UNC5D: variants seen among roughly 807,000 people sequenced by gnomAD.
UNC5D encodes the protein netrin receptor UNC5D.
In UNC5D, 39 loss-of-function variants were observed where a neutral mutation model predicts 105.4. The ratio of observed to expected loss-of-function variants is 0.37; its 90% CI spans 0.29 to 0.48. The LOEUF (loss-of-function observed/expected upper bound fraction) is 0.48. UNC5D is among the 20% of genes least tolerant of loss of function. The probability of loss-of-function intolerance (pLI) is 0.98; values close to 1 mark genes in which losing one functional copy is unlikely to be tolerated. For missense variants in UNC5D, 991 were observed against 1,202.4 expected (o/e 0.82, Z 2.60); for synonymous variants, 452 against 450.4 (o/e 1.00, Z -0.04).
intron 1 of UNC5D, among the ~76,000 whole-genome samples, chr8:35,279,772 C>G (rs1276154161): frequency 6.6e-6 from 1 of 152,180 alleles, no homozygotes; most frequent in Non-Finnish European, 1.5e-5. Context: ...GCTCAGACTG[C>G]AGTTGCTGTT....
chr8:35,466,651 T>G (rs569668273), intron 1 of UNC5D, among the ~76,000 whole-genome samples: 2 of 152,344 alleles, frequency 1.3e-5, no homozygotes, highest in East Asian at 3.9e-4. Flanking sequence ...AATTCAATTT[T>G]TAGTTGAAAA....
intron 1 of UNC5D, among the ~76,000 whole-genome samples, chr8:35,437,571 C>T (rs922105488): frequency 6.6e-6 from 1 of 152,068 alleles, no homozygotes; most frequent in South Asian, 2.1e-4. Context: ...CATTTATATA[C>T]ATGAATGATA....
At chr8:35,541,502 A>G (rs1178593255) in intron 1 of UNC5D, among the ~76,000 whole-genome samples, 1 of 152,128 alleles carries the variant, frequency 6.6e-6, no homozygotes, top group East Asian at 1.9e-4. Flanking sequence ...CACATTTCCT[A>G]AGATTTCTCT....
chr8:35,756,146 C>G (rs1830508442), intron 13 of UNC5D, among the ~76,000 whole-genome samples: 1 of 152,168 alleles, frequency 6.6e-6, no homozygotes, highest in Admixed American at 6.5e-5. Context: ...AGTTCATTAC[C>G]AGGCTTTTTC....
intron 10 of UNC5D, chr8:35,727,871 A>AAAGTGGCATCCTGT (rs1423090466): frequency 6.6e-6 from 1 of 151,938 alleles, no homozygotes; most frequent in African/African-American, 2.4e-5. Context: ...AGAATTCATA[A>AAAGTGGCATCCTGT]ACTAGACATG....
At position 35,474,884 on chromosome 8, in the gene UNC5D, G is replaced by A. The variant is rs539470148; in HGVS notation, c.104-74408G>A. Among the ~76,000 whole-genome samples, 25 of 152,310 alleles carry A rather than the reference G, an allele frequency of 1.6e-4. 1 individual carries two copies. The South Asian group carries it at 5.2e-3, about 32-fold the overall frequency. ...AGTGGTGGAAAGGAGGCTCAGCAGAGGAGTGAATCATGCACATCCCCTTAG... is the reference window on the plus strand; with the variant it reads ...AGTGGTGGAAAGGAGGCTCAGCAGAAGAGTGAATCATGCACATCCCCTTAG... On this transcript the variant is annotated intron_variant, in intron 1 of 16. Transcript: ENST00000404895.
Position 35,647,562 on chromosome 8 carries a change from A to T in UNC5D, c.571-35985A>T, listed in dbSNP as rs879604647. Among the ~76,000 whole-genome samples, 11 of 152,282 alleles carry T rather than the reference A, an allele frequency of 7.2e-5. 1 individual carries two copies. Among genetic ancestry groups the T allele is most frequent in the Admixed American group, 7.2e-4 (11 of 15,278 alleles). ...ATAGGAGCTATGCAAGGAGGAGTTT[A>T]CTGGTTTATAGCATTAGGTTTCTAT... On this transcript the variant is annotated intron_variant, in intron 4 of 16. Coordinates refer to ENST00000404895, the MANE Select transcript of UNC5D (RefSeq NM_080872.4).
intron 16 of UNC5D, among the ~76,000 whole-genome samples, chr8:35,785,470 G>A (rs890334934): frequency 3.4e-4 from 51 of 152,132 alleles, no homozygotes; most frequent in African/African-American, 1.2e-3. Flanking sequence ...AGCGATTCTT[G>A]TGCTTCAGCC....
intron 3 of UNC5D, among the ~76,000 whole-genome samples, chr8:35,593,992 G>C (rs1475751655): frequency 6.6e-6 from 1 of 152,170 alleles, no homozygotes; most frequent in African/African-American, 2.4e-5. Flanking sequence ...AACCTTCACA[G>C]TTTTGTTATC....
At chr8:35,461,661 T>G (rs1467293567) in intron 1 of UNC5D, among the ~76,000 whole-genome samples, 2 of 152,228 alleles carry the variant, frequency 1.3e-5, no homozygotes, top group African/African-American at 4.8e-5. Context: ...CTTGTGGGAA[T>G]GCAGTTTATA....
At chr8:35,504,658 G>A (rs1812192820) in intron 1 of UNC5D, among the ~76,000 whole-genome samples, 1 of 152,156 alleles carries the variant, frequency 6.6e-6, no homozygotes, top group Non-Finnish European at 1.5e-5. Flanking sequence ...AACTCTAATA[G>A]AGTCCCAGAT....
chr8:35,274,915 C>T (rs544674999), intron 1 of UNC5D, among the ~76,000 whole-genome samples: 73 of 151,914 alleles, frequency 4.8e-4, no homozygotes, highest in African/African-American at 1.7e-3. Context: ...CATGGTGAAA[C>T]CCCGTCTCTC....
chr8:35,774,334 G>A lies in UNC5D; in HGVS notation c.2514G>A (p.Glu838=). ...ERETITFFAQ[E]DSTFPAQTGP... ...AAACCATCACTTTCTTCGCACAAGA[G>A]GACAGCACTTTCCCTGCACAGACTG... Residue 838 remains glutamate, a synonymous_variant, in exon 16 of 17, where the codon GAG becomes GAA. Coordinates refer to ENST00000404895, the MANE Select transcript of UNC5D (RefSeq NM_080872.4). 1 of 1,613,970 alleles carries A rather than the reference G, an allele frequency of 6.2e-7. No individual in the cohort carries two copies. Among genetic ancestry groups the A allele is most frequent in the Non-Finnish European group, 8.5e-7 (1 of 1,179,936 alleles).
intron 1 of UNC5D, among the ~76,000 whole-genome samples, chr8:35,363,414 C>A (rs1447811303): frequency 6.6e-6 from 1 of 152,124 alleles, no homozygotes; most frequent in East Asian, 1.9e-4. Flanking sequence ...AATTATTTCC[C>A]ACTGGGTCCC....
intron 1 of UNC5D, among the ~76,000 whole-genome samples, chr8:35,422,303 T>C (rs1178981054): frequency 1.3e-5 from 2 of 152,196 alleles, no homozygotes; most frequent in Non-Finnish European, 2.9e-5. Context: ...TAGAAAGAGG[T>C]TGGAGAAGAC....
intron 1 of UNC5D, among the ~76,000 whole-genome samples, chr8:35,540,459 G>A (rs1310443468): frequency 6.6e-6 from 1 of 151,714 alleles, no homozygotes; most frequent in East Asian, 1.9e-4. Context: ...GTGTGTGTGT[G>A]TGTGTGTGTG....
chr8:35,526,819 G>A (rs1813910558), intron 1 of UNC5D, among the ~76,000 whole-genome samples: 2 of 151,934 alleles, frequency 1.3e-5, no homozygotes, highest in Non-Finnish European at 2.9e-5. Context: ...AATACCCAGT[G>A]TGTTTCAGTA....
At chr8:35,425,567 T>C (rs1328899635) in intron 1 of UNC5D, among the ~76,000 whole-genome samples, 1 of 152,130 alleles carries the variant, frequency 6.6e-6, no homozygotes, top group East Asian at 1.9e-4. Flanking sequence ...TTTATAGAAA[T>C]GTGAACAAAG....
rs190186907 is a variant in UNC5D at position 35,469,316 on chromosome 8, G to A, written c.104-79976G>A. ...AGTGGGGGTAATAATTTGCCTAATA[G>A]CATTGCCTTGCCAAGTTAAAGTAAA... On this transcript the variant is annotated intron_variant, in intron 1 of 16. Transcript: ENST00000404895. 4.1e-3 allele frequency among the ~76,000 whole-genome samples: 629 copies of A among 152,254 alleles called. 8 individuals carry two copies. Among genetic ancestry groups the A allele is most frequent in the African/African-American group, 0.014 (592 of 41,552 alleles).
Sources: gnomAD v4.1 joint callset for allele counts (sites outside exome capture counted in the v4.1 genomes callset) on GRCh38, gnomAD v4.1.1 for gene constraint, MANE v1.5 for transcripts, NCBI Gene and HGNC (gene_info 2026-07-23, HGNC 2026-07-21) for gene names.